RALYL: variants seen among roughly 807,000 people sequenced by gnomAD.
The protein encoded by RALYL is RALY RNA binding protein like.
Under a neutral mutation model 35.1 loss-of-function variants are expected in RALYL, and 29 were observed. That is an observed-to-expected ratio of 0.83 (90% CI 0.61 to 1.13). The LOEUF is 1.13. RALYL is among the 50% of genes most tolerant of loss of function. RALYL has a pLI of 0.00. For synonymous variants in RALYL, 120 were observed against 127.6 expected, an observed-to-expected ratio of 0.94 and a Z score of 0.40; for missense variants, 359 against 360.4, an observed-to-expected ratio of 1.00 and a Z score of 0.03.
At chr8:84,839,023 C>G (rs1044450836) in intron 4 of RALYL, among the ~76,000 whole-genome samples, 1 of 152,196 alleles carries the variant, frequency 6.6e-6, no homozygotes, top group African/African-American at 2.4e-5. Flanking sequence ...CAGCTCCAGT[C>G]TACAGCTCCC....
chr8:84,913,648 G>A (rs1352074474), intron 8 of RALYL, among the ~76,000 whole-genome samples: 1 of 151,870 alleles, frequency 6.6e-6, no homozygotes, highest in Non-Finnish European at 1.5e-5. Flanking sequence ...TTCTACATCT[G>A]TTATAATTCT....
chr8:84,236,134 C>A (rs1826498237), intron 1 of RALYL, among the ~76,000 whole-genome samples: 1 of 151,946 alleles, frequency 6.6e-6, no homozygotes, highest in Admixed American at 6.6e-5. Context: ...TATATGACAT[C>A]CAGTATAATC....
intron 1 of RALYL, among the ~76,000 whole-genome samples, chr8:84,347,455 T>C (rs1850049179): frequency 6.6e-6 from 1 of 152,088 alleles, no homozygotes; most frequent in South Asian, 2.1e-4. Context: ...GGCATCTTCC[T>C]TTTTTATGTG....
chr8:84,383,052 A>C (rs1385783407), intron 1 of RALYL, among the ~76,000 whole-genome samples: 3 of 151,786 alleles, frequency 2.0e-5, no homozygotes, highest in African/African-American at 4.8e-5. Flanking sequence ...GAGATGAATA[A>C]GTGCATTTAT....
intron 2 of RALYL, among the ~76,000 whole-genome samples, chr8:84,725,597 T>C (rs1402860955): frequency 1.3e-5 from 2 of 151,780 alleles, no homozygotes; most frequent in African/African-American, 4.8e-5. Flanking sequence ...ATAACAATAA[T>C]TTTTATATTC....
chr8:84,480,002 A>C (rs1244184241), intron 1 of RALYL, among the ~76,000 whole-genome samples: 1 of 152,190 alleles, frequency 6.6e-6, no homozygotes, highest in Non-Finnish European at 1.5e-5. Flanking sequence ...TTTGATCCAT[A>C]GTAGCATCAT....
At chr8:84,804,404 A>T (rs1219350917) in intron 3 of RALYL, among the ~76,000 whole-genome samples, 1 of 152,202 alleles carries the variant, frequency 6.6e-6, no homozygotes, top group East Asian at 1.9e-4. Flanking sequence ...AAATTATTTC[A>T]CTATTACAAC....
At chr8:84,375,186 A>T (rs1856673699) in intron 1 of RALYL, among the ~76,000 whole-genome samples, 1 of 151,884 alleles carries the variant, frequency 6.6e-6, no homozygotes, top group Non-Finnish European at 1.5e-5. Context: ...TCTGTGAACC[A>T]CACATCACTT....
chr8:84,211,263 A>T (rs1423658287), intron 1 of RALYL, among the ~76,000 whole-genome samples: 2 of 152,048 alleles, frequency 1.3e-5, no homozygotes, highest in African/African-American at 4.8e-5. Context: ...CTACCACAAG[A>T]TTGCTGTTAC....
chr8:84,219,461 T>C (rs1821640375), intron 1 of RALYL, among the ~76,000 whole-genome samples: 4 of 152,112 alleles, frequency 2.6e-5, no homozygotes, highest in East Asian at 1.9e-4. Flanking sequence ...CAGTTCATTA[T>C]AGCAGTGTGA....
intron 1 of RALYL, among the ~76,000 whole-genome samples, chr8:84,483,744 A>G (rs1255004738): frequency 6.6e-6 from 1 of 152,274 alleles, no homozygotes; most frequent in African/African-American, 2.4e-5. Context: ...CTGTTCAGAG[A>G]CAAAGCATGC....
chr8:84,560,316 A>C lies in RALYL; in HGVS notation c.256+30739A>C, dbSNP rs191455981. Among the ~76,000 whole-genome samples the C allele has an allele frequency of 2.0e-5, 3 of 152,098 alleles. No individual in the cohort carries two copies. The East Asian group carries it at 5.8e-4, about 29-fold the overall frequency. ...AAGAGACAATTTCTCAAAAAAGGGGAAATTATCAAAAGAAGGTGAAGTAGA... is the reference window on the plus strand; with the variant it reads ...AAGAGACAATTTCTCAAAAAAGGGGCAATTATCAAAAGAAGGTGAAGTAGA... On this transcript the variant is annotated intron_variant, in intron 2 of 8. Transcript: ENST00000521268.
intron 4 of RALYL, among the ~76,000 whole-genome samples, chr8:84,828,318 C>G (rs765591499): frequency 2.0e-4 from 31 of 152,102 alleles, no homozygotes; most frequent in Non-Finnish European, 4.3e-4. Context: ...AAATGCAATG[C>G]AAGAAAAGAT....
intron 2 of RALYL, among the ~76,000 whole-genome samples, chr8:84,685,954 G>A (rs1167558587): frequency 6.6e-6 from 1 of 152,056 alleles, no homozygotes; most frequent in Non-Finnish European, 1.5e-5. Flanking sequence ...AGATAGGTGT[G>A]GCTTATAAAA....
At chr8:84,717,123 G>C (rs938363835) in intron 2 of RALYL, among the ~76,000 whole-genome samples, 1 of 152,096 alleles carries the variant, frequency 6.6e-6, no homozygotes, top group Non-Finnish European at 1.5e-5. Flanking sequence ...GGAGGCGGAG[G>C]TTGCAGTGAG....
At chr8:84,223,884 C>T (rs1823152702) in intron 1 of RALYL, among the ~76,000 whole-genome samples, 1 of 152,018 alleles carries the variant, frequency 6.6e-6, no homozygotes, top group South Asian at 2.1e-4. Context: ...TAAATTATTC[C>T]AATATGTCAA....
rs73295652 is a variant in RALYL, at chr8:84,217,856, A to G, written c.-24+33432A>G. Among the ~76,000 whole-genome samples, 946 of 152,232 alleles carry G rather than the reference A, an allele frequency of 6.2e-3. 14 individuals are homozygous for G. Among genetic ancestry groups the G allele is most frequent in the African/African-American group, 0.021 (861 of 41,554 alleles). ...AATTTCCCACAAACTAGTTCTCCTC[A>G]TTGACCCAATAGTTTTAAGTATTGT... On this transcript the variant is annotated intron_variant, in intron 1 of 8. Coordinates refer to ENST00000521268, the MANE Select transcript of RALYL (RefSeq NM_173848.7).
intron 2 of RALYL, among the ~76,000 whole-genome samples, chr8:84,722,622 T>TATAC (rs1174315201): frequency 1.5e-5 from 2 of 133,964 alleles, no homozygotes; most frequent in Non-Finnish European, 3.1e-5. Flanking sequence ...TGATTTTATA[T>TATAC]ATATATATAT....
In RALYL at chr8:84,920,874, A is replaced by AT. The variant is rs745688688; in HGVS notation, c.859-11dup. 440 of 1,252,094 alleles carry AT rather than the reference A, an allele frequency of 3.5e-4. No homozygotes were observed. Among genetic ancestry groups the AT allele is most frequent in the South Asian group, 6.4e-4 (40 of 62,474 alleles). The allele number at this position is 1,252,094 out of a possible 1,614,324, so 77.6% of individuals were successfully genotyped here. A position where few individuals can be genotyped will look rare whatever the true frequency, so the allele number is the denominator to read the frequency against. On this transcript the variant is annotated intron_variant, in intron 8 of 8. Coordinates refer to ENST00000521268, the MANE Select transcript of RALYL (RefSeq NM_173848.7). The stretch of plus-strand genomic sequence containing the variant: ...AAAACACAAATCTCTGTATTTTAAA[A>AT]TTTTTTTTTATTTTCTCAGTTTCTA...
Sources: gnomAD v4.1 joint callset for allele counts (sites outside exome capture counted in the v4.1 genomes callset) on GRCh38, gnomAD v4.1.1 for gene constraint, MANE v1.5 for transcripts, NCBI Gene and HGNC (gene_info 2026-07-23, HGNC 2026-07-21) for gene names.